CNTLN: variants seen among roughly 807,000 people sequenced by gnomAD.
CNTLN encodes centlein, centrosomal protein.
In CNTLN, 212 loss-of-function variants were observed where a neutral mutation model predicts 180.0. The ratio of observed to expected loss-of-function variants is 1.18; its 90% CI spans 1.05 to 1.32. The LOEUF is 1.32. CNTLN is among the 40% of genes most tolerant of loss of function. The pLI, the probability that CNTLN is intolerant of heterozygous loss-of-function variation, is 0.00. For missense variants in CNTLN, 2,095 were observed against 1,610.9 expected (o/e 1.30, Z -5.14); for synonymous variants, 722 against 563.1 (o/e 1.28, Z -3.99).
At chr9:17,387,713 C>G (rs1181249415) in intron 13 of CNTLN, among the ~76,000 whole-genome samples, 2 of 151,874 alleles carry the variant, frequency 1.3e-5, no homozygotes, top group African/African-American at 4.8e-5. Context: ...GGGGTTGTTA[C>G]AATTTCAATC....
At chr9:17,414,797 T>C (rs982790009) in intron 16 of CNTLN, among the ~76,000 whole-genome samples, 2 of 152,176 alleles carry the variant, frequency 1.3e-5, no homozygotes, top group Non-Finnish European at 2.9e-5. Flanking sequence ...AGCCAATACA[T>C]TCTTAAACAA....
chr9:17,445,489 T>A (rs1830351764), intron 18 of CNTLN, among the ~76,000 whole-genome samples: 1 of 152,178 alleles, frequency 6.6e-6, no homozygotes, highest in Non-Finnish European at 1.5e-5. Context: ...TCTATAACCT[T>A]ACCCCCAACC....
Position 17,220,661 on chromosome 9 carries a change from C to T in CNTLN, c.450-5542C>T, listed in dbSNP as rs568492826. ...AGCCATGGGTTCTCATCATTTAGCTCCCGCTTATAGGCGAGAACATGTTGC... is the reference window on the plus strand; with the variant it reads ...AGCCATGGGTTCTCATCATTTAGCTTCCGCTTATAGGCGAGAACATGTTGC... On this transcript the variant is annotated intron_variant, in intron 2 of 25. Coordinates refer to ENST00000380647, the MANE Select transcript of CNTLN (RefSeq NM_017738.4). Among the ~76,000 whole-genome samples the T allele has an allele frequency of 8.5e-5, 13 of 152,260 alleles. No individual in the cohort carries two copies. In the East Asian group the frequency reaches 2.3e-3, roughly 27 times the overall value.
chr9:17,366,519 C>T (rs1823832676), intron 12 of CNTLN, 98 bp from the exon 13 acceptor site: 1 of 528,448 alleles, frequency 1.9e-6, no homozygotes, highest in Non-Finnish European at 3.3e-6. Flanking sequence ...TCTTTACTGA[C>T]TTTGATATAT....
chr9:17,466,097 T>G lies in CNTLN; in HGVS notation c.3648T>G (p.Ser1216=). The G allele has an allele frequency of 6.2e-7, 1 of 1,603,636 alleles. No homozygotes were observed. Among genetic ancestry groups the G allele is most frequent in the Non-Finnish European group, 8.5e-7 (1 of 1,173,608 alleles). Residue 1216 remains serine (S), a synonymous_variant, in exon 22 of 26, where the codon TCT becomes TCG. Coordinates refer to ENST00000380647, the MANE Select transcript of CNTLN (RefSeq NM_017738.4). ...AGTATGAACAGATGTATCAGAAATC[T>G]AAAGAGGAGTTAGAAAAAAAGGTAT... The part of the protein sequence containing the change: ...KSQYEQMYQK[S]KEELEKKDLK...
chr9:17,393,000 A>G (rs190605761), intron 14 of CNTLN, among the ~76,000 whole-genome samples: 12 of 152,296 alleles, frequency 7.9e-5, no homozygotes, highest in Admixed American at 3.9e-4. Context: ...TCAGTTGGCT[A>G]TAGAAAATGC....
chr9:17,501,895 T>G (rs953540692), intron 25 of CNTLN, among the ~76,000 whole-genome samples: 19 of 152,172 alleles, frequency 1.2e-4, no homozygotes, highest in African/African-American at 4.6e-4. Flanking sequence ...GAGTTGGAGT[T>G]CTACAGGCAA....
intron 3 of CNTLN, among the ~76,000 whole-genome samples, chr9:17,232,938 T>A (rs1824903564): frequency 6.6e-6 from 1 of 152,042 alleles, no homozygotes; most frequent in African/African-American, 2.4e-5. Context: ...TCTATTTTTA[T>A]GTTATTTGAT....
chr9:17,305,244 AAGG>A (rs1263758191), intron 7 of CNTLN, among the ~76,000 whole-genome samples: 2 of 152,170 alleles, frequency 1.3e-5, no homozygotes, highest in Non-Finnish European at 2.9e-5. Context: ...GAAGAATAGT[AAGG>A]ATAGTATATT....
chr9:17,295,993 AGAGAGTGTGTGTGTGTGTGT>A (rs1404444565), intron 6 of CNTLN, among the ~76,000 whole-genome samples: 12 of 81,120 alleles, frequency 1.5e-4, no homozygotes, highest in East Asian at 1.0e-3. Flanking sequence ...AGAGAGAGAG[AGAGAGTGTGTGTGTGTGTGT>A]GTGTGTGTGT....
At chr9:17,345,405 C>T (rs552584930) in intron 12 of CNTLN, among the ~76,000 whole-genome samples, 1 of 151,972 alleles carries the variant, frequency 6.6e-6, no homozygotes, top group Non-Finnish European at 1.5e-5. Context: ...CTAAGTCTGC[C>T]ATGTTATTAT....
intron 8 of CNTLN, among the ~76,000 whole-genome samples, chr9:17,318,012 A>AT (rs761656630): frequency 4.7e-5 from 7 of 147,590 alleles, no homozygotes; most frequent in Admixed American, 6.8e-5. Context: ...ATCTAACTGA[A>AT]TTTTTTTTTT....
chr9:17,357,061 A>G (rs945825427), intron 12 of CNTLN, among the ~76,000 whole-genome samples: 2 of 151,894 alleles, frequency 1.3e-5, no homozygotes, highest in African/African-American at 4.8e-5. Flanking sequence ...TTCTGTCTCT[A>G]TGGATTTGCC....
At chr9:17,289,654 C>T (rs1829229915) in intron 6 of CNTLN, among the ~76,000 whole-genome samples, 1 of 128,280 alleles carries the variant, frequency 7.8e-6, no homozygotes, top group Non-Finnish European at 1.6e-5. Context: ...ACCAATCAGA[C>T]GTAGATTTGG....
At chr9:17,384,474 G>A (rs942622767) in intron 13 of CNTLN, among the ~76,000 whole-genome samples, 3 of 152,124 alleles carry the variant, frequency 2.0e-5, no homozygotes, top group Non-Finnish European at 4.4e-5. Flanking sequence ...TAAACTCAAA[G>A]GGGATGGTCT....
chr9:17,412,795 C>T (rs1216870812), intron 16 of CNTLN, among the ~76,000 whole-genome samples: 4 of 152,124 alleles, frequency 2.6e-5, no homozygotes, highest in Admixed American at 6.5e-5. Flanking sequence ...CAGGAGGCAT[C>T]TGTATATGAC....
chr9:17,327,803 A>G (rs1438633777), intron 8 of CNTLN, among the ~76,000 whole-genome samples: 1 of 152,046 alleles, frequency 6.6e-6, no homozygotes. Flanking sequence ...AAAATACAAA[A>G]GTAGCTGGGC....
At chr9:17,378,121 A>T (rs553244050) in intron 13 of CNTLN, among the ~76,000 whole-genome samples, 123 of 152,130 alleles carry the variant, frequency 8.1e-4, no homozygotes, top group African/African-American at 2.8e-3. Flanking sequence ...TGTCTTCTGC[A>T]TCCAGTTTAT....
At chr9:17,444,044 G>A (rs1294199658) in intron 18 of CNTLN, among the ~76,000 whole-genome samples, 1 of 152,142 alleles carries the variant, frequency 6.6e-6, no homozygotes, top group Non-Finnish European at 1.5e-5. Flanking sequence ...TGTCTTGATA[G>A]CAAGTGATAG....
Sources: allele counts gnomAD v4.1 joint callset (sites outside exome capture counted in the v4.1 genomes callset), GRCh38; gene constraint gnomAD v4.1.1; transcripts MANE v1.5; gene names NCBI Gene and HGNC (gene_info 2026-07-23, HGNC 2026-07-21).